Variants in POLR1E observed in about 807,000 individuals in gnomAD.
POLR1E encodes the protein DNA-directed RNA polymerase I subunit RPA49.
A neutral mutation model predicts 50.9 loss-of-function variants in POLR1E; 37 were observed. The observed-to-expected ratio is 0.73, with a 90% CI of 0.56 to 0.96. The LOEUF (loss-of-function observed/expected upper bound fraction) is 0.96. POLR1E is among the 40% of genes least tolerant of loss of function. POLR1E has a pLI of 0.00. For synonymous variants in POLR1E, 166 were observed against 191.6 expected (o/e 0.87, Z 1.10); for missense variants, 426 against 518.1 (o/e 0.82, Z 1.73).
rs762798176 is a variant in POLR1E, at chr9:37,492,652, G to A, written c.344-5G>A. ...CTTTCTCTCTGTTTTTGTGTGTTTT[G>A]ATAGATGTATCAGTTGAGAGTGAAC... is the stretch of plus-strand genomic sequence containing the variant. On this transcript the variant is annotated splice_region_variant and splice_polypyrimidine_tract_variant and intron_variant, in intron 4 of 11. Coordinates refer to ENST00000377798, the MANE Select transcript of POLR1E (RefSeq NM_022490.4). 3.1e-6 allele frequency: 5 copies of A among 1,613,676 alleles called. No individual in the cohort carries two copies. Among genetic ancestry groups the A allele is most frequent in the South Asian group, 2.2e-5 (2 of 91,030 alleles).
chr9:37,493,485 C>A, intron 5 of POLR1E, 74 bp from the exon 6 acceptor site: 1 of 1,319,678 alleles, frequency 7.6e-7, no homozygotes, highest in South Asian at 1.7e-5. Context: ...TGAGAGTATC[C>A]CCATAGTGAC....
At chr9:37,488,451 G>A (rs1820617396) in intron 3 of POLR1E, among the ~76,000 whole-genome samples, 1 of 152,050 alleles carries the variant, frequency 6.6e-6, no homozygotes, top group Non-Finnish European at 1.5e-5. Flanking sequence ...CTCGGGGGCT[G>A]GCATGATGCA....
chr9:37,501,880 G>A, intron 11 of POLR1E, 36 bp downstream of exon 11: 1 of 1,587,576 alleles, frequency 6.3e-7, no homozygotes, highest in African/African-American at 1.4e-5. Flanking sequence ...CCTGCAGGGT[G>A]TCTCGATGTC....
intron 8 of POLR1E, 128 bp downstream of exon 8, chr9:37,496,114 G>A (rs1820781129): frequency 3.0e-6 from 2 of 661,624 alleles, no homozygotes; most frequent in Middle Eastern, 3.4e-4. Context: ...ACATGAATGA[G>A]CCAGTGTTTT....
intron 10 of POLR1E, 36 bp downstream of exon 10, chr9:37,500,957 G>A (rs1274033288): frequency 1.3e-6 from 2 of 1,557,878 alleles, no homozygotes; most frequent in Non-Finnish European, 1.8e-6. Context: ...TCTTGTGCAG[G>A]AGAAAGTAGG....
At position 37,485,991 on chromosome 9, in the gene POLR1E, A is replaced by G; in HGVS notation, c.-57A>G. ...CGGCCTGGGCTCCCGCGTGTTTAAA[A>G]GTGCGCTTGTGGCTGCTGCTGTCTT... is the stretch of plus-strand genomic sequence containing the variant. On this transcript the variant is annotated 5_prime_UTR_variant, in exon 1 of 12. Coordinates refer to ENST00000377798, the MANE Select transcript of POLR1E (RefSeq NM_022490.4). 6.4e-7 allele frequency: 1 copy of G among 1,568,572 alleles called. No individual in the cohort carries two copies. The highest frequency in any genetic ancestry group is 8.6e-7 in the Non-Finnish European group (1 of 1,156,546).
chr9:37,502,471 A>G (rs1454935089), intron 11 of POLR1E, among the ~76,000 whole-genome samples: 2 of 152,216 alleles, frequency 1.3e-5, no homozygotes, highest in Non-Finnish European at 2.9e-5. Context: ...CTAGCCTTGT[A>G]GAGGAGATTC....
At chr9:37,502,640 G>A (rs772664851) in intron 11 of POLR1E, among the ~76,000 whole-genome samples, 2 of 152,220 alleles carry the variant, frequency 1.3e-5, no homozygotes, top group African/African-American at 2.4e-5. Context: ...TGGAGGGACT[G>A]TTCTGAGGGC....
chr9:37,497,114 G>C (rs1318319729), intron 8 of POLR1E, among the ~76,000 whole-genome samples: 1 of 152,154 alleles, frequency 6.6e-6, no homozygotes, highest in East Asian at 1.9e-4. Flanking sequence ...CCAGCACTTT[G>C]GGAGACTGAG....
rs185779534 is a variant in POLR1E, at chr9:37,495,148, G to T, written c.548-21G>T. On this transcript the variant is annotated intron_variant, in intron 6 of 11. Coordinates refer to ENST00000377798, the MANE Select transcript of POLR1E (RefSeq NM_022490.4). ...CTGGAAACAAACAGGGTGATACATG[G>T]ATTGTTTCTTTATTGAAAAGCTCTG... 11 of 1,588,020 alleles carry T rather than the reference G, an allele frequency of 6.9e-6. No homozygotes were observed. The Admixed American group carries it at 1.8e-4, about 26-fold the overall frequency.
intron 4 of POLR1E, chr9:37,490,676 C>T (rs1196528818): frequency 2.9e-6 from 2 of 700,066 alleles, no homozygotes; most frequent in Admixed American, 3.7e-5. Context: ...TTGTTTACAA[C>T]AATGCCAGCA....
Position 37,485,963 on chromosome 9 carries a change from G to A in POLR1E, c.-85G>A, listed in dbSNP as rs1000123363. The A allele has an allele frequency of 3.3e-6, 5 of 1,519,676 alleles. No individual in the cohort carries two copies. In the Admixed American group the frequency reaches 5.9e-5, roughly 18 times the overall value. The allele number at this position is 1,519,676 out of a possible 1,614,324, so 94.1% of individuals were successfully genotyped here. On this transcript the variant is annotated 5_prime_UTR_variant, in exon 1 of 12. Coordinates refer to ENST00000377798, the MANE Select transcript of POLR1E (RefSeq NM_022490.4). ...GGGGCCACGCCTTTTCCGGCCCGCAGCGCGGCCTGGGCTCCCGCGTGTTTA... is the reference window on the plus strand; with the variant it reads ...GGGGCCACGCCTTTTCCGGCCCGCAACGCGGCCTGGGCTCCCGCGTGTTTA...
intron 4 of POLR1E, chr9:37,490,865 C>G (rs10814553): frequency 7.9e-5 from 43 of 544,050 alleles, no homozygotes; most frequent in Non-Finnish European, 1.4e-4. Context: ...ATATTGGGTG[C>G]CTCTCCTCTT....
In POLR1E at chr9:37,502,915, C is replaced by T. The variant is rs1035311823; in HGVS notation, c.1101-128C>T. ...CTGCCTCTCTGCCAGGGGCTTTGTG[C>T]CTGCTGGCAACCTTTGGGATTCTGT... On this transcript the variant is annotated intron_variant, in intron 11 of 11. Transcript: ENST00000377798. 9 of 1,022,358 alleles carry T rather than the reference C, an allele frequency of 8.8e-6. No individual in the cohort carries two copies. The African/African-American group carries it at 1.5e-4, about 17-fold the overall frequency. The allele number at this position is 1,022,358 out of a possible 1,614,324, so 63.3% of individuals were successfully genotyped here. A position where few individuals can be genotyped will look rare whatever the true frequency, so the allele number is the denominator to read the frequency against.
At position 37,498,160 on chromosome 9, in the gene POLR1E, C is replaced by T. The variant is rs143914888; in HGVS notation, c.822C>T (p.Ala274=). The T allele has an allele frequency of 4.5e-5, 73 of 1,613,886 alleles. No individual in the cohort carries two copies. The African/African-American group carries it at 9.1e-4, about 20-fold the overall frequency. ...PSDVESRDRQ[A]RCIWFLDTLI... is the part of the protein sequence containing the mutation. ...ATGTGGAGAGCCGAGACCGCCAGGC[C>T]CGATGCATATGGTTTCTGGATACCC... is the stretch of plus-strand genomic sequence containing the variant. Residue 274 remains alanine (A), a synonymous_variant, in exon 9 of 12, where the codon GCC becomes GCT. Transcript: ENST00000377798.
intron 1 of POLR1E, chr9:37,486,393 C>T (rs1221650806): frequency 6.6e-7 from 1 of 1,507,944 alleles, no homozygotes; most frequent in East Asian, 2.5e-5. Flanking sequence ...CCCGCCTCCC[C>T]CATTTCCCTC....
chr9:37,490,577 C>A, intron 4 of POLR1E: 1 of 718,558 alleles, frequency 1.4e-6, no homozygotes. Context: ...CATCTTTCTT[C>A]ACCCGTTTCA....
At chr9:37,496,021 G>A in intron 8 of POLR1E, 35 bp downstream of exon 8, 1 of 1,529,614 alleles carries the variant, frequency 6.5e-7, no homozygotes, top group Non-Finnish European at 9.1e-7. Flanking sequence ...ATTCTGGGGA[G>A]TGCTGTTGGG....
chr9:37,486,952 A>C (rs749641592), intron 2 of POLR1E, 146 bp downstream of exon 2: 14 of 937,606 alleles, frequency 1.5e-5, no homozygotes, highest in Non-Finnish European at 2.0e-5. Flanking sequence ...GCAGCCTGGG[A>C]TGTGGGGACA....
Sources: gnomAD v4.1 joint callset for allele counts (sites outside exome capture counted in the v4.1 genomes callset) on GRCh38, gnomAD v4.1.1 for gene constraint, MANE v1.5 for transcripts, NCBI Gene and HGNC (gene_info 2026-07-23, HGNC 2026-07-21) for gene names.